The following STAP1 variants were observed in gnomAD, a reference collection of about 807,000 sequenced individuals.
STAP1 encodes the protein signal-transducing adaptor protein 1.
In STAP1, 30 loss-of-function variants were observed where a neutral mutation model predicts 37.8. The observed-to-expected ratio is 0.79, with a 90% CI of 0.59 to 1.08. The LOEUF (loss-of-function observed/expected upper bound fraction) is 1.08. STAP1 is among the 50% of genes least tolerant of loss of function. The pLI, the probability that STAP1 is intolerant of heterozygous loss-of-function variation, is 0.00. For missense variants in STAP1, 357 were observed against 349.4 expected, an observed-to-expected ratio of 1.02 and a Z score of -0.17; for synonymous variants, 130 against 116.0, an observed-to-expected ratio of 1.12 and a Z score of -0.78.
At chr4:67,567,916 G>A (rs1727507220) in intron 1 of STAP1, among the ~76,000 whole-genome samples, 1 of 152,214 alleles carries the variant, frequency 6.6e-6, no homozygotes. Context: ...ATAGAATGGT[G>A]AGAAATAGAA....
intron 1 of STAP1, among the ~76,000 whole-genome samples, chr4:67,563,955 GA>G (rs1182413316): frequency 7.1e-6 from 1 of 140,184 alleles, no homozygotes; most frequent in African/African-American, 2.6e-5. Context: ...AAAAAAAAAA[GA>G]AATTTGTGCT....
Position 67,558,794 on chromosome 4 carries a change from C to T in STAP1, c.-16C>T. On this transcript the variant is annotated 5_prime_UTR_variant, in exon 1 of 9. Coordinates refer to ENST00000265404, the MANE Select transcript of STAP1 (RefSeq NM_012108.4). ...GTTTGAGACGAGAAACCAAACCACA[C>T]ACCAAAGAGAGGGGTATGATGGCTA... 1 of 1,603,376 alleles carries T rather than the reference C, an allele frequency of 6.2e-7. No homozygotes were observed. The highest frequency in any genetic ancestry group is 1.1e-5 in the South Asian group (1 of 89,166).
chr4:67,570,352 G>A (rs1023475769), intron 1 of STAP1, among the ~76,000 whole-genome samples: 1 of 152,142 alleles, frequency 6.6e-6, no homozygotes, highest in Non-Finnish European at 1.5e-5. Flanking sequence ...GTCATGCATT[G>A]TGCTACAACA....
intron 8 of STAP1, among the ~76,000 whole-genome samples, chr4:67,593,823 A>G (rs1212243162): frequency 6.6e-6 from 1 of 152,232 alleles, no homozygotes; most frequent in African/African-American, 2.4e-5. Flanking sequence ...GTATTCCACT[A>G]TGAAGGCAGA....
chr4:67,565,987 C>T (rs1326894806), intron 1 of STAP1, among the ~76,000 whole-genome samples: 7 of 133,640 alleles, frequency 5.2e-5, no homozygotes, highest in African/African-American at 1.4e-4. Flanking sequence ...CTTTCTCTGT[C>T]GCCCAGTCTA....
Position 67,598,879 on chromosome 4 carries a change from T to C in STAP1, c.826+5523T>C, listed in dbSNP as rs10025209. Among the ~76,000 whole-genome samples the C allele has an allele frequency of 2.0e-5, 3 of 152,318 alleles. No homozygotes were observed. In the South Asian group the frequency reaches 6.2e-4, roughly 32 times the overall value. On this transcript the variant is annotated intron_variant, in intron 8 of 8. Transcript: ENST00000265404. ...CCAATGTCTTGGAGAGTTTTCCCAA[T>C]GTTTTCTTGGAGTAGTTCCATAGTT...
chr4:67,590,758 T>TTTTC (rs1728102218), intron 6 of STAP1, 126 bp from the exon 7 acceptor site: 2 of 403,552 alleles, frequency 5.0e-6, no homozygotes, highest in Non-Finnish European at 8.3e-6. Flanking sequence ...TTTTTTTTTT[T>TTTTC]TTTTTTTGCC....
chr4:67,594,108 C>T (rs567455643), intron 8 of STAP1, among the ~76,000 whole-genome samples: 1 of 152,256 alleles, frequency 6.6e-6, no homozygotes, highest in Non-Finnish European at 1.5e-5. Context: ...GTTCCTGGTA[C>T]ACATGGTCAC....
intron 2 of STAP1, 152 bp downstream of exon 2, chr4:67,571,307 A>C: frequency 1.8e-6 from 1 of 564,662 alleles, no homozygotes. Context: ...GGGGCCGCCA[A>C]TGATCACAGG....
chr4:67,594,424 G>A (rs1442445404), intron 8 of STAP1, among the ~76,000 whole-genome samples: 1 of 152,010 alleles, frequency 6.6e-6, no homozygotes, highest in Non-Finnish European at 1.5e-5. Context: ...TGCACATTCA[G>A]TACAGGAAAC....
chr4:67,565,512 AAT>A (rs1408598688), intron 1 of STAP1, among the ~76,000 whole-genome samples: 3 of 152,230 alleles, frequency 2.0e-5, no homozygotes, highest in Non-Finnish European at 4.4e-5. Context: ...TTATGTGGCT[AAT>A]AAAAAATGCA....
intron 8 of STAP1, among the ~76,000 whole-genome samples, chr4:67,602,884 G>C (rs1454497153): frequency 6.6e-6 from 1 of 152,076 alleles, no homozygotes; most frequent in Non-Finnish European, 1.5e-5. Flanking sequence ...CCATTGTCTG[G>C]GTACCGCTGA....
chr4:67,581,255 T>C, intron 4 of STAP1, 50 bp from the exon 5 acceptor site: 3 of 1,571,866 alleles, frequency 1.9e-6, no homozygotes, highest in Non-Finnish European at 2.6e-6. Context: ...ACTAAAGTTA[T>C]AAGTTATTAA....
Position 67,606,929 on chromosome 4 carries a change from A to T in STAP1, c.*572A>T, listed in dbSNP as rs573376825. On this transcript the variant is annotated 3_prime_UTR_variant, in exon 9 of 9. Coordinates refer to ENST00000265404, the MANE Select transcript of STAP1 (RefSeq NM_012108.4). ...CTGGTGTCATCTTTTTGCCACTCAA[A>T]ATCAGCCCATTATTTCCTTACAAAG... 6.6e-6 allele frequency: 1 copy of T among 152,336 alleles called. No individual in the cohort carries two copies. Among genetic ancestry groups the T allele is most frequent in the South Asian group, 2.1e-4 (1 of 4,826 alleles). 9.4% of individuals were successfully genotyped at this position (152,336 alleles called of 1,614,324 possible). A position where few individuals can be genotyped will look rare whatever the true frequency, so the allele number is the denominator to read the frequency against.
chr4:67,564,518 G>A (rs551291223), intron 1 of STAP1, among the ~76,000 whole-genome samples: 2 of 152,244 alleles, frequency 1.3e-5, no homozygotes, highest in South Asian at 4.1e-4. Flanking sequence ...GGGTAATACT[G>A]TAGTTATGAG....
intron 7 of STAP1, 113 bp downstream of exon 7, chr4:67,591,066 G>A: frequency 3.7e-6 from 2 of 541,426 alleles, no homozygotes; most frequent in Non-Finnish European, 3.1e-6. Flanking sequence ...AGATATACAA[G>A]GTGAAAAGTG....
chr4:67,594,784 C>T (rs1728189256), intron 8 of STAP1, among the ~76,000 whole-genome samples: 1 of 152,168 alleles, frequency 6.6e-6, no homozygotes, highest in South Asian at 2.1e-4. Context: ...AAATATAACC[C>T]TACTGAATAA....
rs577212432 is a variant in STAP1 at position 67,599,689 on chromosome 4, TGGA to T, written c.826+6335_826+6337del. Among the ~76,000 whole-genome samples, 630 of 152,082 alleles carry T rather than the reference TGGA, an allele frequency of 4.1e-3. 7 individuals carry two copies. The highest frequency in any genetic ancestry group is 0.014 in the African/African-American group (592 of 41,510). On this transcript the variant is annotated intron_variant, in intron 8 of 8. Coordinates refer to ENST00000265404, the MANE Select transcript of STAP1 (RefSeq NM_012108.4). Reference sequence around the variant, plus strand: ...TGGAGTCTCAGTCTGTCACCCAGACTGGAGTGCAGTGGCACAATCTCAGCTCAC... The same window carrying T: ...TGGAGTCTCAGTCTGTCACCCAGACTGTGCAGTGGCACAATCTCAGCTCAC...
intron 8 of STAP1, among the ~76,000 whole-genome samples, 200 bp downstream of exon 8, chr4:67,593,556 TG>T (rs1159322605): frequency 6.6e-6 from 1 of 152,164 alleles, no homozygotes; most frequent in Non-Finnish European, 1.5e-5. Context: ...AGAGTATGGG[TG>T]CATTTTAGGG....
Sources: gnomAD v4.1 joint callset for allele counts (sites outside exome capture counted in the v4.1 genomes callset) on GRCh38, gnomAD v4.1.1 for gene constraint, MANE v1.5 for transcripts, NCBI Gene and HGNC (gene_info 2026-07-23, HGNC 2026-07-21) for gene names.